SLX4: variants seen among roughly 807,000 people sequenced by gnomAD.
SLX4 encodes structure-specific endonuclease subunit SLX4.
SLX4 carries 112 observed loss-of-function variants against 146.2 expected under a neutral mutation model. The observed-to-expected ratio is 0.77, with a 90% CI of 0.66 to 0.90. The LOEUF (loss-of-function observed/expected upper bound fraction) is 0.90. Ranked by LOEUF, SLX4 falls within the 40% of genes least tolerant of loss-of-function variation. The pLI is 0.00. For missense variants in SLX4, 2,563 were observed against 2,392.7 expected (o/e 1.07, Z -1.49); for synonymous variants, 1,061 against 997.7 (o/e 1.06, Z -1.20).
chr16:3,603,508 G>A lies in SLX4; in HGVS notation c.761-1201C>T, dbSNP rs55964569. ...CATGTGCGTCCAGGACTGATGCCTC[G>A]GCAGGACATCAAATCACTGCCTGCT... On this transcript the variant is annotated intron_variant, in intron 3 of 14. Transcript: ENST00000294008. 7.9e-3 allele frequency among the ~76,000 whole-genome samples: 1,198 copies of A among 152,286 alleles called. 16 individuals are homozygous for A. The highest frequency in any genetic ancestry group is 0.021 in the African/African-American group (854 of 41,554).
rs763731687 is a variant in SLX4, at chr16:3,589,732, G to A, written c.3906C>T (p.Asn1302=). The A allele has an allele frequency of 1.4e-5, 23 of 1,613,788 alleles. No individual in the cohort carries two copies. In the East Asian group the frequency reaches 1.8e-4, roughly 13 times the overall value. Reference sequence around the variant, plus strand: ...TGACAGAAAACTTCTGTGCGACTTCGTTCCCTTCCCTGTTTCCTACTGAGG... The same window carrying A: ...TGACAGAAAACTTCTGTGCGACTTCATTCCCTTCCCTGTTTCCTACTGAGG... ...PRASVGNREG[N]EVAQKFSVIR... The change falls in exon 12 of 15, where the codon AAC becomes AAT. Residue 1302 remains asparagine, a synonymous_variant. Coordinates refer to ENST00000294008, the MANE Select transcript of SLX4 (RefSeq NM_032444.4). This position sits in a 1 kb window ranked among gnomAD's most constrained non-coding sequence, Gnocchi z 6.2.
intron 7 of SLX4, among the ~76,000 whole-genome samples, chr16:3,596,769 A>G (rs1014554592): frequency 2.0e-5 from 3 of 151,210 alleles, no homozygotes; most frequent in African/African-American, 4.9e-5. Flanking sequence ...GTGTGCTCCG[A>G]ATGCCAGTTT....
At chr16:3,594,353 T>G (rs1596524914) in intron 10 of SLX4, 100 bp downstream of exon 10, 24 of 1,480,932 alleles carry the variant, frequency 1.6e-5, no homozygotes, top group African/African-American at 4.4e-5. Flanking sequence ...AGTGGGGGGG[T>G]GGAAAGGGCA....
In SLX4 at chr16:3,608,695, C is replaced by G; in HGVS notation, c.270G>C (p.Leu90Phe). The G allele has an allele frequency of 6.2e-7, 1 of 1,614,212 alleles. No homozygotes were observed. Among genetic ancestry groups the G allele is most frequent in the Non-Finnish European group, 8.5e-7 (1 of 1,180,046 alleles). ...TGGTAGCAGTTTGTTTGGTCCTTTT[C>G]AATTTGCTTCTTATCTGAGTGCCGT... ...ASNGTQIRSKLKRTKQTATKT... is the reference protein window; with the variant it reads ...ASNGTQIRSKFKRTKQTATKT... Residue 90 changes from leucine to phenylalanine, a missense_variant, in exon 2 of 15, where the codon TTG becomes TTC. Transcript: ENST00000294008.
At chr16:3,610,401 G>T (rs1379798454) in intron 1 of SLX4, among the ~76,000 whole-genome samples, 1 of 152,182 alleles carries the variant, frequency 6.6e-6, no homozygotes, top group East Asian at 1.9e-4. Context: ...TCTGTCATAG[G>T]TTATCATCAT....
chr16:3,582,660 C>T lies in SLX4; in HGVS notation c.5187G>A (p.Glu1729=), dbSNP rs1323817915. ...CCTCGCCCTCCTCTTCACCTGCAGA[C>T]TCAAATGCCGCTCCAAACTCACAGG... The part of the protein sequence containing the change: ...SSSCEFGAAF[E]SAGEEEGEGE... Residue 1729 remains glutamate, a synonymous_variant, in exon 15 of 15, where the codon GAG becomes GAA. Transcript: ENST00000294008. 2.5e-6 allele frequency: 4 copies of T among 1,613,196 alleles called. No individual in the cohort carries two copies. The highest frequency in any genetic ancestry group is 3.4e-6 in the Non-Finnish European group (4 of 1,180,032).
intron 8 of SLX4, 110 bp from the exon 9 acceptor site, chr16:3,595,803 T>C: frequency 7.9e-7 from 1 of 1,266,166 alleles, no homozygotes; most frequent in East Asian, 2.5e-5. Context: ...CCTCGGAAGG[T>C]GCTTGCTATC....
rs1185482904 is a variant in SLX4 at position 3,590,781 on chromosome 16, G to A, written c.2857C>T (p.Leu953Phe). 5 of 1,614,028 alleles carry A rather than the reference G, an allele frequency of 3.1e-6. No homozygotes were observed. Among genetic ancestry groups the A allele is most frequent in the Non-Finnish European group, 4.2e-6 (5 of 1,180,020 alleles). ...APEQEAPEEA[L>F]GHSSCSSPSR... ...GGGCTGGAGCAGCTGGAATGGCCAA[G>A]CGCCTCCTCTGGCGCCTCCTGCTCA... Residue 953 changes from leucine to phenylalanine, a missense_variant, in exon 12 of 15, where the codon CTT becomes TTT. Coordinates refer to ENST00000294008, the MANE Select transcript of SLX4 (RefSeq NM_032444.4). The surrounding 1 kb of genome is among the most constrained non-coding windows in gnomAD (Gnocchi z 4.8).
At chr16:3,609,852 G>T (rs2040830770) in intron 1 of SLX4, among the ~76,000 whole-genome samples, 1 of 152,190 alleles carries the variant, frequency 6.6e-6, no homozygotes, top group Middle Eastern at 3.2e-3. Context: ...CCCCATAAAA[G>T]GCAGTCACCA....
At chr16:3,598,400 C>T (rs574297073) in intron 5 of SLX4, among the ~76,000 whole-genome samples, 44 of 152,206 alleles carry the variant, frequency 2.9e-4, no homozygotes, top group Non-Finnish European at 5.3e-4. Flanking sequence ...CTGGCCACAC[C>T]GGCAGAAAAG....
chr16:3,604,647 C>T (rs377233240), intron 3 of SLX4, among the ~76,000 whole-genome samples: 1 of 151,772 alleles, frequency 6.6e-6, no homozygotes, highest in African/African-American at 2.4e-5. Flanking sequence ...ATGGTGAAAC[C>T]CCAACTCTAC....
rs1212073010 is a variant in SLX4 at position 3,597,452 on chromosome 16, G to C, written c.1610C>G (p.Thr537Ser). 1 of 1,612,880 alleles carries C rather than the reference G, an allele frequency of 6.2e-7. No individual in the cohort carries two copies. The highest frequency in any genetic ancestry group is 1.1e-5 in the South Asian group (1 of 90,862). ...QSFLWEGSAL[T>S]GAWAMEDFYT... is the part of the protein sequence containing the mutation. ...GAAGTCCTCCATGGCCCAGGCCCCAGTCAGTGCGCTGCCCTCCCACAGAAA... is the reference window on the plus strand; with the variant it reads ...GAAGTCCTCCATGGCCCAGGCCCCACTCAGTGCGCTGCCCTCCCACAGAAA... Residue 537 changes from threonine to serine, a missense_variant, in exon 7 of 15, where the codon ACT becomes AGT. By Grantham distance (58) the Thr-to-Ser change is moderately conservative. Transcript: ENST00000294008. The surrounding 1 kb of genome is among the most constrained non-coding windows in gnomAD (Gnocchi z 4.4).
Position 3,595,676 on chromosome 16 carries a change from C to T in SLX4, c.1942G>A (p.Gly648Ser), listed in dbSNP as rs755500401. 6.2e-6 allele frequency: 10 copies of T among 1,613,932 alleles called. No homozygotes were observed. The highest frequency in any genetic ancestry group is 2.7e-5 in the African/African-American group (2 of 74,914). The change falls in exon 9 of 15, where the codon GGC becomes AGC. Residue 648 changes from glycine (G) to serine (S), a missense_variant. By Grantham distance (56) the Gly-to-Ser change is moderately conservative (BLOSUM62 0). Coordinates refer to ENST00000294008, the MANE Select transcript of SLX4 (RefSeq NM_032444.4). ...EGTAGLDVVP[G>S]GLPLTGFVVP... The stretch of plus-strand genomic sequence containing the variant: ...ACAAACCCAGTCAGAGGAAGGCCGC[C>T]GGGCACCACGTCCAACCCTGAGTGG...
rs1227009777 is a variant in SLX4 at position 3,590,090 on chromosome 16, T to C, written c.3548A>G (p.Glu1183Gly). The change falls in exon 12 of 15, where the codon GAA becomes GGA. Residue 1183 changes from glutamate (E) to glycine (G), a missense_variant. Glu to Gly is a moderately conservative substitution (Grantham distance 98, BLOSUM62 -2). Transcript: ENST00000294008. The surrounding 1 kb of genome is among the most constrained non-coding windows in gnomAD (Gnocchi z 4.8). ...CAGCTCACAGGACCTAGGGCTAATT[T>C]CTAGAGCTTTCTTTTCTTCCAGAGG... ...SDPLEEKKAL[E>G]ISPRSCELFS... 1.2e-6 allele frequency: 2 copies of C among 1,614,176 alleles called. No homozygotes were observed. Among genetic ancestry groups the C allele is most frequent in the Non-Finnish European group, 1.7e-6 (2 of 1,180,042 alleles).
Position 3,608,608 on chromosome 16 carries a change from C to G in SLX4, c.357G>C (p.Arg119Ser), listed in dbSNP as rs775598631. The change falls in exon 2 of 15, where the codon AGG becomes AGC. Residue 119 changes from arginine to serine, a missense_variant. By Grantham distance (110) the Arg-to-Ser change is moderately radical. Transcript: ENST00000294008. ...KKPPSGSQAP[R>S]TKKQRVTKWQ... Reference sequence around the variant, plus strand: ...ATTTGGTTACCCTTTGCTTTTTAGTCCTAGGGGCCTGGCTGCCAGACGGAG... The same window carrying G: ...ATTTGGTTACCCTTTGCTTTTTAGTGCTAGGGGCCTGGCTGCCAGACGGAG... The G allele has an allele frequency of 1.2e-5, 19 of 1,613,970 alleles. No individual in the cohort carries two copies. The highest frequency in any genetic ancestry group is 1.6e-5 in the Non-Finnish European group (19 of 1,180,026).
At position 3,582,608 on chromosome 16, in the gene SLX4, C is replaced by T. The variant is rs201214017; in HGVS notation, c.5239G>A (p.Val1747Met). 30 of 1,613,588 alleles carry T rather than the reference C, an allele frequency of 1.9e-5. No homozygotes were observed. The highest frequency in any genetic ancestry group is 1.2e-4 in the Admixed American group (7 of 60,034). Reference sequence around the variant, plus strand: ...GCCTCGTCTGTGTCCGCCGCCTGCACGGCTGCCTGCGAGGCACTGACCTCC... The same window carrying T: ...GCCTCGTCTGTGTCCGCCGCCTGCATGGCTGCCTGCGAGGCACTGACCTCC... ...EGEVSASQAA[V>M]QAADTDEALR... Residue 1747 changes from valine (V) to methionine (M), a missense_variant, in exon 15 of 15, where the codon GTG becomes ATG. Transcript: ENST00000294008.
At position 3,606,419 on chromosome 16, in the gene SLX4, C is replaced by T. The variant is rs986064349; in HGVS notation, c.760+55G>A. 23 of 1,589,818 alleles carry T rather than the reference C, an allele frequency of 1.4e-5. No individual in the cohort carries two copies. The East Asian group carries it at 4.9e-4, about 34-fold the overall frequency. On this transcript the variant is annotated intron_variant, in intron 3 of 14. Coordinates refer to ENST00000294008, the MANE Select transcript of SLX4 (RefSeq NM_032444.4). ...TGCTGATTCCTTCCCGCCTCCCTTC[C>T]TCAGAGTTGTATTAACTTATCTCTG...
At position 3,597,060 on chromosome 16, in the gene SLX4, AT is replaced by A. The variant is rs1375437065; in HGVS notation, c.1683+318del. On this transcript the variant is annotated intron_variant, in intron 7 of 14. Transcript: ENST00000294008. The surrounding 1 kb of genome is among the most constrained non-coding windows in gnomAD (Gnocchi z 4.4). The stretch of plus-strand genomic sequence containing the variant: ...CTGGTCTCGAACTCCTGACCTCGTG[AT>A]CCGCCCACCTCAGCCTCCCAAAGTG... Among the ~76,000 whole-genome samples, 5 of 152,072 alleles carry A rather than the reference AT, an allele frequency of 3.3e-5. No homozygotes were observed. In the East Asian group the frequency reaches 9.7e-4, roughly 29 times the overall value.
chr16:3,596,338 C>T lies in SLX4; in HGVS notation c.1739G>A (p.Ser580Asn), dbSNP rs755653940. ...PLVPPEHSEL[S>N]ERRSPALHGT... ...GTGGAGAGCGGGTGACCTTCGCTCG[C>T]TCAGCTCTGAGTGCTCAGGTGGCAC... is the stretch of plus-strand genomic sequence containing the variant. Residue 580 changes from serine to asparagine, a missense_variant, in exon 8 of 15, where the codon AGC (serine) becomes AAC (asparagine). By Grantham distance (46) the Ser-to-Asn change is conservative. Transcript: ENST00000294008. 3.1e-6 allele frequency: 5 copies of T among 1,594,144 alleles called. No individual in the cohort carries two copies. Among genetic ancestry groups the T allele is most frequent in the African/African-American group, 1.3e-5 (1 of 74,716 alleles).
Sources: allele counts gnomAD v4.1 joint callset (sites outside exome capture counted in the v4.1 genomes callset), GRCh38; gene constraint gnomAD v4.1.1; non-coding constraint Gnocchi (gnomAD v3.1); transcripts MANE v1.5; gene names NCBI Gene and HGNC (gene_info 2026-07-23, HGNC 2026-07-21).